RGP1: variants seen among roughly 807,000 people sequenced by gnomAD.
RGP1 encodes RAB6A-GEF complex partner protein 2.
Under a neutral mutation model 44.5 loss-of-function variants are expected in RGP1, and 28 were observed. That is an observed-to-expected ratio of 0.63 (90% CI 0.47 to 0.86). RGP1 has a LOEUF of 0.86. Among genes scored for constraint, RGP1 ranks in the 40% least tolerant of loss-of-function variants. The pLI is 0.00. For missense variants in RGP1, 417 were observed against 490.7 expected, an observed-to-expected ratio of 0.85 and a Z score of 1.42; for synonymous variants, 212 against 196.7, an observed-to-expected ratio of 1.08 and a Z score of -0.65.
intron 8 of RGP1, among the ~76,000 whole-genome samples, 183 bp downstream of exon 8, chr9:35,752,328 A>C (rs1484704441): frequency 1.3e-5 from 2 of 151,876 alleles, no homozygotes; most frequent in African/African-American, 4.8e-5. Flanking sequence ...TGACCCCTAA[A>C]CTCCTAACAG....
chr9:35,764,628 G>C, the RGP1 span, among the ~76,000 whole-genome samples: 1 of 151,964 alleles, frequency 6.6e-6, no homozygotes, highest in African/African-American at 2.4e-5. Context: ...GAACATCTCT[G>C]TCACCACCCC....
chr9:35,752,454 T>C (rs1319904260), intron 8 of RGP1, among the ~76,000 whole-genome samples, 197 bp from the exon 9 acceptor site: 1 of 152,190 alleles, frequency 6.6e-6, no homozygotes, highest in Admixed American at 6.5e-5. Context: ...AGGTACTTAA[T>C]ACTGCTATCT....
the RGP1 span, among the ~76,000 whole-genome samples, chr9:35,773,269 T>A: frequency 1.3e-5 from 2 of 152,086 alleles, no homozygotes; most frequent in Non-Finnish European, 2.9e-5. Flanking sequence ...TGAATGCCTA[T>A]AATCCCAGCT....
chr9:35,754,159 T>G lies in RGP1; in HGVS notation c.*1285T>G. ...GCTGCACAGCCCTCTCAGACCCTTCTTGGCCTCTGCTCAGCTACTCTGGTC... is the reference window on the plus strand; with the variant it reads ...GCTGCACAGCCCTCTCAGACCCTTCGTGGCCTCTGCTCAGCTACTCTGGTC... On this transcript the variant is annotated 3_prime_UTR_variant, in exon 9 of 9. Transcript: ENST00000378078. The G allele has an allele frequency of 1.9e-6, 3 of 1,598,206 alleles. No individual in the cohort carries two copies. Among genetic ancestry groups the G allele is most frequent in the East Asian group, 2.2e-5 (1 of 44,540 alleles).
Position 35,749,499 on chromosome 9 carries a change from G to A in RGP1, c.-20+91G>A, listed in dbSNP as rs1827187741. 1 of 666,524 alleles carries A rather than the reference G, an allele frequency of 1.5e-6. No individual in the cohort carries two copies. The highest frequency in any genetic ancestry group is 2.8e-6 in the Non-Finnish European group (1 of 351,124). 41.3% of individuals were successfully genotyped at this position (666,524 alleles called of 1,614,324 possible). A position where few individuals can be genotyped will look rare whatever the true frequency, so the allele number is the denominator to read the frequency against. ...TTTGGGAACTCCGCGGGGGTGCCCA[G>A]GGAGAAGAACCCGTCGCACAGGGGC... On this transcript the variant is annotated intron_variant, in intron 1 of 8. Coordinates refer to ENST00000378078, the MANE Select transcript of RGP1 (RefSeq NM_001080496.3). The surrounding 1 kb of genome is among the most constrained non-coding windows in gnomAD (Gnocchi z 4.4).
the RGP1 span, among the ~76,000 whole-genome samples, chr9:35,778,377 C>T: frequency 1.3e-5 from 2 of 152,174 alleles, no homozygotes; most frequent in Admixed American, 1.3e-4. Context: ...CCTTGTTCCC[C>T]TTCAGGGAGG....
Position 35,753,323 on chromosome 9 carries a change from G to T in RGP1, c.*449G>T, listed in dbSNP as rs756970945. The T allele has an allele frequency of 8.2e-6, 13 of 1,591,928 alleles. No individual in the cohort carries two copies. Among genetic ancestry groups the T allele is most frequent in the African/African-American group, 1.3e-5 (1 of 74,796 alleles). On this transcript the variant is annotated 3_prime_UTR_variant, in exon 9 of 9. Transcript: ENST00000378078. The surrounding 1 kb of genome is among the most constrained non-coding windows in gnomAD (Gnocchi z 4.2). ...GGGGAAGGAGTCAGCACAGTGAAAG[G>T]CTGCCTTTATCCCTGCCCACATGTT...
chr9:35,785,319 G>T, the RGP1 span, among the ~76,000 whole-genome samples: 1 of 152,028 alleles, frequency 6.6e-6, no homozygotes, highest in African/African-American at 2.4e-5. Context: ...AGGCTGCTGC[G>T]CAGAGGTTCC....
chr9:35,780,975 C>A, the RGP1 span, among the ~76,000 whole-genome samples: 1 of 152,018 alleles, frequency 6.6e-6, no homozygotes, highest in Non-Finnish European at 1.5e-5. Context: ...TATTTGAATT[C>A]TAAAATATAC....
chr9:35,782,694 C>T, the RGP1 span, among the ~76,000 whole-genome samples: 1 of 152,164 alleles, frequency 6.6e-6, no homozygotes, highest in Non-Finnish European at 1.5e-5. Context: ...GATCCACCCT[C>T]CTTGGCCTCC....
chr9:35,752,885 C>T lies in RGP1; in HGVS notation c.*11C>T, dbSNP rs1345932316. 1 of 1,611,894 alleles carries T rather than the reference C, an allele frequency of 6.2e-7. No homozygotes were observed. The highest frequency in any genetic ancestry group is 2.2e-5 in the East Asian group (1 of 44,812). On this transcript the variant is annotated 3_prime_UTR_variant, in exon 9 of 9. Coordinates refer to ENST00000378078, the MANE Select transcript of RGP1 (RefSeq NM_001080496.3). ...ACCATAACCATCTGAAACTGGCCCA[C>T]CCTGGTGCTAGTTCCTTCCGGATAC...
At chr9:35,762,684 G>C (rs1287710346), downstream of RGP1, among the ~76,000 whole-genome samples, 2 of 152,210 alleles carry the variant, frequency 1.3e-5, no homozygotes, top group African/African-American at 4.8e-5. Context: ...GCCCTCTGGA[G>C]ATTTCTGAAG....
At position 35,753,093 on chromosome 9, in the gene RGP1, G is replaced by A. The variant is rs1827296018; in HGVS notation, c.*219G>A. The A allele has an allele frequency of 6.2e-7, 1 of 1,613,102 alleles. No individual in the cohort carries two copies. Among genetic ancestry groups the A allele is most frequent in the Non-Finnish European group, 8.5e-7 (1 of 1,179,216 alleles). On this transcript the variant is annotated 3_prime_UTR_variant, in exon 9 of 9. Coordinates refer to ENST00000378078, the MANE Select transcript of RGP1 (RefSeq NM_001080496.3). This position sits in a 1 kb window ranked among gnomAD's most constrained non-coding sequence, Gnocchi z 4.2. ...TGAGCAGTCAGCAGATGGATGATCAGTTGAGTTTAGCTGGAGTGGGGAGCA... is the reference window on the plus strand; with the variant it reads ...TGAGCAGTCAGCAGATGGATGATCAATTGAGTTTAGCTGGAGTGGGGAGCA...
the RGP1 span, among the ~76,000 whole-genome samples, chr9:35,782,053 C>T: frequency 8.3e-6 from 1 of 120,758 alleles, no homozygotes; most frequent in African/African-American, 3.2e-5. Flanking sequence ...GTGGTGTGAT[C>T]TCGGCTCACT....
the RGP1 span, among the ~76,000 whole-genome samples, chr9:35,774,739 A>C: frequency 5.3e-5 from 8 of 152,236 alleles, no homozygotes; most frequent in East Asian, 9.6e-4. Flanking sequence ...CAAAACAAAA[A>C]AAAACATGGA....
At chr9:35,766,770 A>G in the RGP1 span, among the ~76,000 whole-genome samples, 2 of 152,208 alleles carry the variant, frequency 1.3e-5, no homozygotes, top group Admixed American at 6.5e-5. Context: ...GAAATATTAA[A>G]CTTTTGTTCT....
the RGP1 span, among the ~76,000 whole-genome samples, chr9:35,782,263 T>C: frequency 1.3e-5 from 2 of 152,190 alleles, no homozygotes; most frequent in Non-Finnish European, 2.9e-5. Context: ...AAGGTGCCGT[T>C]AGAAAATAAT....
the RGP1 span, among the ~76,000 whole-genome samples, chr9:35,783,075 C>T: frequency 6.6e-6 from 1 of 152,188 alleles, no homozygotes; most frequent in Non-Finnish European, 1.5e-5. Flanking sequence ...TCCCAAAGTG[C>T]TGGGATTACA....
At chr9:35,751,437 T>G in intron 6 of RGP1, 25 bp downstream of exon 6, 1 of 1,613,450 alleles carries the variant, frequency 6.2e-7, no homozygotes, top group Non-Finnish European at 8.5e-7. Context: ...AGAATTGTCC[T>G]ACCCCATCCT....
Sources: gnomAD v4.1 joint callset for allele counts (sites outside exome capture counted in the v4.1 genomes callset) on GRCh38, gnomAD v4.1.1 for gene constraint, Gnocchi (gnomAD v3.1) non-coding constraint, MANE v1.5 for transcripts, NCBI Gene and HGNC (gene_info 2026-07-23, HGNC 2026-07-21) for gene names.